Variants in NEXN observed in about 807,000 individuals in gnomAD.
NEXN encodes the protein nexilin F-actin binding protein.
Under a neutral mutation model 92.6 loss-of-function variants are expected in NEXN, and 65 were observed. The observed-to-expected ratio is 0.70, with a 90% CI of 0.57 to 0.86. The LOEUF (loss-of-function observed/expected upper bound fraction) is 0.86, where lower values mean the gene tolerates loss of function less well. NEXN is among the 40% of genes least tolerant of loss of function. The probability of loss-of-function intolerance (pLI) is 0.00; values close to 1 mark genes in which losing one functional copy is unlikely to be tolerated. For missense variants in NEXN, 778 were observed against 771.1 expected, an observed-to-expected ratio of 1.01 and a Z score of -0.11; for synonymous variants, 254 against 242.5, an observed-to-expected ratio of 1.05 and a Z score of -0.44.
intron 1 of NEXN, among the ~76,000 whole-genome samples, chr1:77,896,467 G>A (rs189919884): frequency 3.4e-4 from 52 of 152,052 alleles, no homozygotes; most frequent in African/African-American, 1.2e-3. Context: ...CCCCACTACA[G>A]TGTAAGTTCC....
chr1:77,939,606 G>A (rs1164783760), intron 11 of NEXN, among the ~76,000 whole-genome samples: 1 of 152,098 alleles, frequency 6.6e-6, no homozygotes, highest in Admixed American at 6.5e-5. Context: ...AATAAGATAG[G>A]TGACTTCTTG....
intron 10 of NEXN, among the ~76,000 whole-genome samples, chr1:77,934,337 G>A (rs990684013): frequency 5.9e-5 from 9 of 152,024 alleles, no homozygotes; most frequent in African/African-American, 2.2e-4. Flanking sequence ...TAAAGATGGG[G>A]TGATCGCACT....
chr1:77,901,860 C>T (rs1647742000), intron 1 of NEXN, among the ~76,000 whole-genome samples: 1 of 152,150 alleles, frequency 6.6e-6, no homozygotes. Context: ...TACCTCAGTC[C>T]TCGCTAACTA....
chr1:77,916,345 G>A (rs1648974607), intron 2 of NEXN, among the ~76,000 whole-genome samples: 1 of 152,144 alleles, frequency 6.6e-6, no homozygotes, highest in African/African-American at 2.4e-5. Context: ...TACAAAGCAT[G>A]AGTAGTAAAT....
chr1:77,918,751 C>T (rs774841005), intron 5 of NEXN, among the ~76,000 whole-genome samples: 2 of 151,340 alleles, frequency 1.3e-5, no homozygotes, highest in Non-Finnish European at 2.9e-5. Flanking sequence ...AGGACATGGG[C>T]AGAATATGCC....
At position 77,942,946 on chromosome 1, in the gene NEXN, C is replaced by G. The variant is rs1557999448; in HGVS notation, c.*117C>G. On this transcript the variant is annotated 3_prime_UTR_variant, in exon 13 of 13. Transcript: ENST00000334785. Reference sequence around the variant, plus strand: ...CCCCTCTCCCTGGAACTTTCTCTTTCACTCCAACTTTCTTACTACATCCAT... The same window carrying G: ...CCCCTCTCCCTGGAACTTTCTCTTTGACTCCAACTTTCTTACTACATCCAT... 1 of 1,371,732 alleles carries G rather than the reference C, an allele frequency of 7.3e-7. No homozygotes were observed. Among genetic ancestry groups the G allele is most frequent in the Non-Finnish European group, 1.0e-6 (1 of 989,744 alleles). 85.0% of individuals were successfully genotyped at this position (1,371,732 alleles called of 1,614,324 possible).
rs147769394 is a variant in NEXN, at chr1:77,934,342, C to T, written c.1251+863C>T. ...TTTTCTTTTCTAAAGATGGGGTGATCGCACTTTATTGCCCAGGCTGGTCTC... is the reference window on the plus strand; with the variant it reads ...TTTTCTTTTCTAAAGATGGGGTGATTGCACTTTATTGCCCAGGCTGGTCTC... On this transcript the variant is annotated intron_variant, in intron 10 of 12. Coordinates refer to ENST00000334785, the MANE Select transcript of NEXN (RefSeq NM_144573.4). Among the ~76,000 whole-genome samples the T allele has an allele frequency of 1.2e-4, 19 of 152,128 alleles. No homozygotes were observed. The East Asian group carries it at 2.9e-3, about 23-fold the overall frequency.
At chr1:77,894,063 A>T (rs1469337771) in intron 1 of NEXN, among the ~76,000 whole-genome samples, 1 of 151,462 alleles carries the variant, frequency 6.6e-6, no homozygotes, top group African/African-American at 2.4e-5. Context: ...TGACCTCGTG[A>T]TCTGCCCACG....
At position 77,917,989 on chromosome 1, in the gene NEXN, G is replaced by A. The variant is rs372532824; in HGVS notation, c.249G>A (p.Glu83=). ...EIKEMLASDD[E]EDVSSKVEKA... is the part of the protein sequence containing the mutation. ...AAGAAATGCTTGCTTCTGATGATGA[G>A]GAAGATGTATCTTCTAAAGTAGAAA... is the stretch of plus-strand genomic sequence containing the variant. The change falls in exon 4 of 13, where the codon GAG becomes GAA. Residue 83 remains glutamate, a synonymous_variant. Transcript: ENST00000334785. 3.9e-5 allele frequency: 63 copies of A among 1,613,190 alleles called. No homozygotes were observed. The highest frequency in any genetic ancestry group is 3.4e-4 in the Middle Eastern group (2 of 5,950).
chr1:77,914,805 C>G (rs567627642), intron 1 of NEXN, among the ~76,000 whole-genome samples: 5 of 148,584 alleles, frequency 3.4e-5, no homozygotes, highest in Non-Finnish European at 5.9e-5. Context: ...TGCAGTGAGC[C>G]GAGATCATGC....
intron 9 of NEXN, among the ~76,000 whole-genome samples, chr1:77,930,829 T>C (rs1415027229): frequency 6.6e-6 from 1 of 152,210 alleles, no homozygotes; most frequent in African/African-American, 2.4e-5. Context: ...CATGAATTCT[T>C]ACAGCATTTA....
In NEXN at chr1:77,942,370, T is replaced by C. The variant is rs923105352; in HGVS notation, c.1660-91T>C. 17 of 1,267,558 alleles carry C rather than the reference T, an allele frequency of 1.3e-5. No homozygotes were observed. In the African/African-American group the frequency reaches 2.2e-4, roughly 17 times the overall value. The allele number at this position is 1,267,558 out of a possible 1,614,324, so 78.5% of individuals were successfully genotyped here. ...TAGGCACACTTGTATGTTCTTTACT[T>C]AAAAAAAAAAATTTCATTTCAAAAT... On this transcript the variant is annotated intron_variant, in intron 12 of 12. Coordinates refer to ENST00000334785, the MANE Select transcript of NEXN (RefSeq NM_144573.4).
chr1:77,942,350 A>C (rs778968282), intron 12 of NEXN, 111 bp from the exon 13 acceptor site: 4 of 1,370,992 alleles, frequency 2.9e-6, no homozygotes, highest in Non-Finnish European at 4.1e-6. Context: ...TGTAGTAGGC[A>C]CACTTGTATG....
chr1:77,907,040 C>T (rs993210529), intron 1 of NEXN, among the ~76,000 whole-genome samples: 2 of 152,182 alleles, frequency 1.3e-5, no homozygotes, highest in African/African-American at 4.8e-5. Context: ...CTACTTGGCA[C>T]ATTACCAGGC....
At chr1:77,938,938 G>A (rs1311269933) in intron 11 of NEXN, among the ~76,000 whole-genome samples, 1 of 152,198 alleles carries the variant, frequency 6.6e-6, no homozygotes, top group Non-Finnish European at 1.5e-5. Context: ...GTTAATGAAA[G>A]TCTTTTTAAA....
intron 10 of NEXN, among the ~76,000 whole-genome samples, chr1:77,934,590 C>T (rs2102151231): frequency 6.6e-6 from 1 of 152,386 alleles, no homozygotes; most frequent in South Asian, 2.1e-4. Flanking sequence ...AATGGGTTTT[C>T]ATCAGCCCCC....
At chr1:77,906,858 G>A (rs750259315) in intron 1 of NEXN, among the ~76,000 whole-genome samples, 5 of 151,960 alleles carry the variant, frequency 3.3e-5, no homozygotes, top group Non-Finnish European at 5.9e-5. Flanking sequence ...GTCTTGCTAT[G>A]TTGCCCAGGC....
chr1:77,933,524 A>G (rs1256360816), intron 10 of NEXN, 45 bp downstream of exon 10: 1 of 1,297,234 alleles, frequency 7.7e-7, no homozygotes. Context: ...TTATTAAGCT[A>G]AATATTTTAC....
intron 11 of NEXN, among the ~76,000 whole-genome samples, chr1:77,940,111 GCTCAA>G (rs1651136146): frequency 6.6e-6 from 1 of 152,066 alleles, no homozygotes; most frequent in African/African-American, 2.4e-5. Flanking sequence ...TTCTTTCAAG[GCTCAA>G]CTCATTTACA....
Sources: gnomAD v4.1 joint callset for allele counts (sites outside exome capture counted in the v4.1 genomes callset) on GRCh38, gnomAD v4.1.1 for gene constraint, MANE v1.5 for transcripts, NCBI Gene and HGNC (gene_info 2026-07-23, HGNC 2026-07-21) for gene names.